IMMP2L: variants seen among roughly 807,000 people sequenced by gnomAD.
The protein encoded by IMMP2L is mitochondrial inner membrane protease subunit 2.
Under a neutral mutation model 19.3 loss-of-function variants are expected in IMMP2L, and 18 were observed. The ratio of observed to expected loss-of-function variants is 0.93; its 90% CI spans 0.64 to 1.38. The LOEUF is 1.38. Ranked by LOEUF, IMMP2L falls within the 40% of genes most tolerant of loss-of-function variation. IMMP2L has a pLI of 0.00. For missense variants in IMMP2L, 233 were observed against 218.2 expected (o/e 1.07, Z -0.43); for synonymous variants, 76 against 73.0 (o/e 1.04, Z -0.21).
intron 3 of IMMP2L, among the ~76,000 whole-genome samples, chr7:111,180,948 T>A (rs1465509847): frequency 6.6e-6 from 1 of 152,050 alleles, no homozygotes; most frequent in Non-Finnish European, 1.5e-5. Context: ...GTTTACTTGA[T>A]TCTATTGGAA....
chr7:111,550,279 C>G (rs529039758), intron 1 of IMMP2L, among the ~76,000 whole-genome samples: 47 of 152,126 alleles, frequency 3.1e-4, no homozygotes, highest in African/African-American at 1.1e-3. Flanking sequence ...GTGAAAAGAT[C>G]AGAAGTTACC....
chr7:111,322,889 C>G lies in IMMP2L; in HGVS notation c.239+164349G>C, dbSNP rs113553716. Among the ~76,000 whole-genome samples, 4 of 151,742 alleles carry G rather than the reference C, an allele frequency of 2.6e-5. No individual in the cohort carries two copies. The East Asian group carries it at 7.7e-4, about 29-fold the overall frequency. On this transcript the variant is annotated intron_variant, in intron 3 of 5. Coordinates refer to ENST00000405709, the MANE Select transcript of IMMP2L (RefSeq NM_032549.4). The stretch of plus-strand genomic sequence containing the variant: ...CATCTATATTTTATATCAAAGCCTA[C>G]GTCTCCCAGCTTTGTTCATAGCATT...
intron 3 of IMMP2L, among the ~76,000 whole-genome samples, chr7:111,310,784 G>T (rs190868479): frequency 6.6e-6 from 1 of 152,172 alleles, no homozygotes; most frequent in East Asian, 1.9e-4. Flanking sequence ...ATGGGGGAAG[G>T]ATTTGCAAGA....
intron 3 of IMMP2L, among the ~76,000 whole-genome samples, chr7:110,984,927 A>G (rs1821701863): frequency 6.6e-6 from 1 of 152,116 alleles, no homozygotes; most frequent in African/African-American, 2.4e-5. Flanking sequence ...ATTTTAAAAT[A>G]CAGAGATAAT....
intron 3 of IMMP2L, among the ~76,000 whole-genome samples, chr7:111,348,212 C>T (rs1256771116): frequency 6.6e-6 from 1 of 151,580 alleles, no homozygotes; most frequent in East Asian, 1.9e-4. Flanking sequence ...GGGTGCAGCA[C>T]ACCAACATGG....
chr7:111,502,914 G>C (rs1385795786), intron 2 of IMMP2L, among the ~76,000 whole-genome samples: 1 of 148,998 alleles, frequency 6.7e-6, no homozygotes, highest in Non-Finnish European at 1.5e-5. Flanking sequence ...AAAAGAACTA[G>C]AAAAGCAAGA....
chr7:111,234,374 C>T lies in IMMP2L; in HGVS notation c.239+252864G>A, dbSNP rs187878497. On this transcript the variant is annotated intron_variant, in intron 3 of 5. Transcript: ENST00000405709. ...ATCTATTTCTGTCTACTCTGTCCAT[C>T]AATTACTAAGAAGGAATATTTAAAT... 4.8e-4 allele frequency among the ~76,000 whole-genome samples: 73 copies of T among 152,196 alleles called. 1 individual carries two copies. Among genetic ancestry groups the T allele is most frequent in the Admixed American group, 4.0e-3 (61 of 15,278 alleles).
chr7:111,195,063 T>C (rs1809322644), intron 3 of IMMP2L, among the ~76,000 whole-genome samples: 1 of 152,148 alleles, frequency 6.6e-6, no homozygotes, highest in Non-Finnish European at 1.5e-5. Context: ...TTATTTAATA[T>C]GTTAGGTCTT....
intron 3 of IMMP2L, among the ~76,000 whole-genome samples, chr7:111,335,149 A>G (rs1374338876): frequency 2.0e-5 from 3 of 152,116 alleles, no homozygotes; most frequent in Non-Finnish European, 2.9e-5. Flanking sequence ...AGAGACCTAA[A>G]AAAACTTTTC....
chr7:111,242,416 T>C (rs1815196069), intron 3 of IMMP2L, among the ~76,000 whole-genome samples: 1 of 152,142 alleles, frequency 6.6e-6, no homozygotes, highest in African/African-American at 2.4e-5. Flanking sequence ...CTGCCTTTCA[T>C]AGCTCCAACT....
intron 3 of IMMP2L, among the ~76,000 whole-genome samples, chr7:111,076,203 T>C (rs1795398839): frequency 1.3e-5 from 2 of 152,274 alleles, no homozygotes; most frequent in East Asian, 1.9e-4. Flanking sequence ...GCACCACCAA[T>C]GTCTCCTGGC....
At chr7:111,500,245 G>A (rs1412428880) in intron 2 of IMMP2L, among the ~76,000 whole-genome samples, 1 of 152,186 alleles carries the variant, frequency 6.6e-6, no homozygotes, top group Non-Finnish European at 1.5e-5. Context: ...CAAGGCGGCA[G>A]CGAGGCTGGG....
At position 110,662,773 on chromosome 7, in the gene IMMP2L, A is replaced by G. The variant is rs1311722817; in HGVS notation, c.*829T>C. ...GAAATAATTAGGGGAAGAAAATCAAACGTGGCTGATCTGGACTGTTTTTTC... is the reference window on the plus strand; with the variant it reads ...GAAATAATTAGGGGAAGAAAATCAAGCGTGGCTGATCTGGACTGTTTTTTC... On this transcript the variant is annotated 3_prime_UTR_variant, in exon 6 of 6. Transcript: ENST00000405709. Among the ~76,000 whole-genome samples, 4 of 152,224 alleles carry G rather than the reference A, an allele frequency of 2.6e-5. No individual in the cohort carries two copies. Among genetic ancestry groups the G allele is most frequent in the Non-Finnish European group, 5.9e-5 (4 of 68,028 alleles).
intron 5 of IMMP2L, among the ~76,000 whole-genome samples, chr7:110,868,516 T>G (rs926099715): frequency 2.6e-5 from 4 of 152,076 alleles, no homozygotes; most frequent in African/African-American, 9.7e-5. Context: ...ATCACATATT[T>G]TATTCCAACC....
In IMMP2L at chr7:111,487,301, A is replaced by G. The variant is rs1169127499; in HGVS notation, c.176T>C (p.Val59Ala). Residue 59 changes from valine (V) to alanine (A), a missense_variant, in exon 3 of 6, where the codon GTG (valine) becomes GCG (alanine). By Grantham distance (64) the Val-to-Ala change is moderately conservative. Transcript: ENST00000405709. ...CCTCACTTTCCAGTGGTTCAAAAGC[A>G]CCACATCAGATGACTGGCTCCCCCC... The part of the protein sequence containing the change: ...NPGGSQSSDV[V>A]LLNHWKVRNF... The G allele has an allele frequency of 6.2e-7, 1 of 1,610,764 alleles. No individual in the cohort carries two copies. Among genetic ancestry groups the G allele is most frequent in the African/African-American group, 1.3e-5 (1 of 75,006 alleles).
At chr7:110,888,429 T>C (rs1439044035) in intron 4 of IMMP2L, among the ~76,000 whole-genome samples, 1 of 152,186 alleles carries the variant, frequency 6.6e-6, no homozygotes, top group East Asian at 1.9e-4. Flanking sequence ...AAGCTGGGTA[T>C]TCTGGATAAA....
At chr7:111,288,196 G>C (rs1820705858) in intron 3 of IMMP2L, among the ~76,000 whole-genome samples, 1 of 152,114 alleles carries the variant, frequency 6.6e-6, no homozygotes, top group Admixed American at 6.6e-5. Flanking sequence ...GCAGCCATAA[G>C]CAGGAATAAA....
At chr7:111,124,591 G>A (rs1251773829) in intron 3 of IMMP2L, 8 of 1,613,770 alleles carry the variant, frequency 5.0e-6, no homozygotes, top group Non-Finnish European at 6.8e-6. Flanking sequence ...AAAAAAATGT[G>A]TAAATGTCAC....
At chr7:111,488,130 G>C (rs142090594) in intron 2 of IMMP2L, among the ~76,000 whole-genome samples, 158 of 152,178 alleles carry the variant, frequency 1.0e-3, no homozygotes, top group African/African-American at 3.6e-3. Context: ...CAAGAACAGG[G>C]GGACAAAATA....
Sources: allele counts gnomAD v4.1 joint callset (sites outside exome capture counted in the v4.1 genomes callset), GRCh38; gene constraint gnomAD v4.1.1; transcripts MANE v1.5; gene names NCBI Gene and HGNC (gene_info 2026-07-23, HGNC 2026-07-21).